The following RGS8 variants were observed in gnomAD, a reference collection of about 807,000 sequenced individuals.
RGS8 encodes regulator of G-protein signaling 8.
In RGS8, 8 loss-of-function variants were observed where a neutral mutation model predicts 21.7. The ratio of observed to expected loss-of-function variants is 0.37; its 90% CI spans 0.22 to 0.66. The LOEUF is 0.66. Ranked by LOEUF, RGS8 falls within the 30% of genes least tolerant of loss-of-function variation. RGS8 has a pLI of 0.59. For missense variants in RGS8, 157 were observed against 217.9 expected (o/e 0.72, Z 1.76); for synonymous variants, 80 against 83.6 (o/e 0.96, Z 0.24).
At chr1:182,657,299 C>T (rs943504904) in intron 5 of RGS8, among the ~76,000 whole-genome samples, 36 of 152,106 alleles carry the variant, frequency 2.4e-4, no homozygotes, top group Admixed American at 2.2e-3. Context: ...CCCTGTTCTC[C>T]TGTTCTCTTT....
the RGS8 span, among the ~76,000 whole-genome samples, chr1:182,712,211 T>A: frequency 6.6e-6 from 1 of 152,230 alleles, no homozygotes; most frequent in Admixed American, 6.5e-5. Flanking sequence ...CATGTGCCAA[T>A]CCTGCCAAAC....
upstream of RGS8, among the ~76,000 whole-genome samples, chr1:182,685,212 A>AAG (rs1664673067): frequency 6.6e-6 from 1 of 152,180 alleles, no homozygotes; most frequent in African/African-American, 2.4e-5. Context: ...TCCTGTGGCC[A>AAG]GAGGGTGGTG....
intron 1 of RGS8, 78 bp from the exon 3 acceptor site, chr1:182,671,808 GCA>G (rs200058757): frequency 5.1e-5 from 82 of 1,602,562 alleles, no homozygotes; most frequent in Middle Eastern, 1.7e-4. Context: ...ACACATAGGG[GCA>G]CACACACACA....
intron 3 of RGS8, among the ~76,000 whole-genome samples, chr1:182,668,938 G>A (rs1053673366): frequency 2.6e-5 from 4 of 152,156 alleles, no homozygotes; most frequent in African/African-American, 9.7e-5. Flanking sequence ...TTCATTCCTT[G>A]TGCCTCAGGA....
At chr1:182,723,023 T>A in the RGS8 span, among the ~76,000 whole-genome samples, 151 of 151,810 alleles carry the variant, frequency 9.9e-4, no homozygotes, top group African/African-American at 3.5e-3. Flanking sequence ...AATAAATAAA[T>A]AAAGATGCCA....
the RGS8 span, among the ~76,000 whole-genome samples, chr1:182,749,348 C>A: frequency 6.6e-6 from 1 of 152,094 alleles, no homozygotes; most frequent in Admixed American, 6.5e-5. Context: ...TTGAAGAGGA[C>A]TTTATTTCCC....
At chr1:182,710,511 G>A in the RGS8 span, among the ~76,000 whole-genome samples, 1 of 152,112 alleles carries the variant, frequency 6.6e-6, no homozygotes, top group South Asian at 2.1e-4. Flanking sequence ...CATCTGTCCA[G>A]GGTCAGGTGT....
At chr1:182,721,548 C>T in the RGS8 span, among the ~76,000 whole-genome samples, 76 of 152,286 alleles carry the variant, frequency 5.0e-4, 2 homozygotes, top group East Asian at 0.01. Flanking sequence ...AAAGAGAGTG[C>T]TGCTTTCCCA....
chr1:182,726,301 G>A, the RGS8 span, among the ~76,000 whole-genome samples: 1 of 152,080 alleles, frequency 6.6e-6, no homozygotes, highest in South Asian at 2.1e-4. Context: ...AGGGGCCCTG[G>A]TTAACCCTCT....
the RGS8 span, among the ~76,000 whole-genome samples, chr1:182,744,855 C>A: frequency 6.6e-6 from 1 of 152,180 alleles, no homozygotes; most frequent in Non-Finnish European, 1.5e-5. Flanking sequence ...AGAACACTTT[C>A]ATCACCCCAG....
chr1:182,717,689 A>G, the RGS8 span, among the ~76,000 whole-genome samples: 1 of 152,200 alleles, frequency 6.6e-6, no homozygotes, highest in Admixed American at 6.5e-5. Flanking sequence ...CAGGGAAACT[A>G]ACACCTTCTA....
the RGS8 span, among the ~76,000 whole-genome samples, chr1:182,715,117 A>G: frequency 6.6e-6 from 1 of 152,248 alleles, no homozygotes; most frequent in African/African-American, 2.4e-5. Context: ...GCTACAAAGA[A>G]GAAAACCCAC....
At chr1:182,735,094 T>C in the RGS8 span, among the ~76,000 whole-genome samples, 2 of 152,354 alleles carry the variant, frequency 1.3e-5, no homozygotes, top group South Asian at 2.1e-4. Context: ...CATGTCTCTC[T>C]TCAGGCTAAC....
At chr1:182,746,916 G>T in the RGS8 span, among the ~76,000 whole-genome samples, 1 of 151,740 alleles carries the variant, frequency 6.6e-6, no homozygotes, top group Non-Finnish European at 1.5e-5. Context: ...TTTTGTTATT[G>T]TTTTTGAGAC....
the RGS8 span, among the ~76,000 whole-genome samples, chr1:182,737,376 G>A: frequency 2.6e-5 from 4 of 151,978 alleles, no homozygotes; most frequent in African/African-American, 9.7e-5. Context: ...ATGTGGTTTG[G>A]CTGTGTCCCC....
At chr1:182,732,200 T>C in the RGS8 span, among the ~76,000 whole-genome samples, 1 of 152,038 alleles carries the variant, frequency 6.6e-6, no homozygotes, top group Non-Finnish European at 1.5e-5. Context: ...AATTTTGCTA[T>C]AATGTCAGCA....
At chr1:182,713,746 G>A in the RGS8 span, among the ~76,000 whole-genome samples, 1 of 152,112 alleles carries the variant, frequency 6.6e-6, no homozygotes, top group East Asian at 1.9e-4. Context: ...CATTTACTGT[G>A]CCTGGAAATA....
chr1:182,708,118 C>T, the RGS8 span, among the ~76,000 whole-genome samples: 1 of 152,274 alleles, frequency 6.6e-6, no homozygotes, highest in South Asian at 2.1e-4. Flanking sequence ...TCACAGGGCT[C>T]GTCAGTAGTG....
upstream of RGS8, among the ~76,000 whole-genome samples, chr1:182,688,353 G>T (rs1027394416): frequency 2.0e-5 from 3 of 149,902 alleles, no homozygotes; most frequent in Admixed American, 1.3e-4. Flanking sequence ...TTTCTCTCTC[G>T]CTCGCTCTCT....
Sources: gnomAD v4.1 joint callset for allele counts (sites outside exome capture counted in the v4.1 genomes callset) on GRCh38, gnomAD v4.1.1 for gene constraint, MANE v1.5 for transcripts, NCBI Gene and HGNC (gene_info 2026-07-23, HGNC 2026-07-21) for gene names.